The following SYT2 variants were observed in gnomAD, a reference collection of about 807,000 sequenced individuals.
SYT2 encodes synaptotagmin-2.
A neutral mutation model predicts 39.9 loss-of-function variants in SYT2; 15 were observed. That is an observed-to-expected ratio of 0.38 (90% CI 0.25 to 0.58). The LOEUF (loss-of-function observed/expected upper bound fraction) is 0.58. Among genes scored for constraint, SYT2 ranks in the 20% least tolerant of loss-of-function variants. The pLI, the probability that SYT2 is intolerant of heterozygous loss-of-function variation, is 0.70. For synonymous variants in SYT2, 181 were observed against 204.5 expected (o/e 0.89, Z 0.98); for missense variants, 389 against 530.3 (o/e 0.73, Z 2.62).
At chr1:202,691,783 G>T (rs1007835107) in intron 1 of SYT2, among the ~76,000 whole-genome samples, 2 of 126,392 alleles carry the variant, frequency 1.6e-5, no homozygotes, top group East Asian at 2.4e-4. Context: ...GAGAGAGAGA[G>T]ATGGGAGAGG....
chr1:202,658,043 G>C (rs889480915), intron 1 of SYT2, among the ~76,000 whole-genome samples: 6 of 152,144 alleles, frequency 3.9e-5, no homozygotes, highest in African/African-American at 1.4e-4. Context: ...GCTCTGCCCA[G>C]AGCTCATCGA....
At chr1:202,649,952 T>C (rs1434642297) in intron 1 of SYT2, among the ~76,000 whole-genome samples, 1 of 152,224 alleles carries the variant, frequency 6.6e-6, no homozygotes, top group Non-Finnish European at 1.5e-5. Context: ...CTGCTGTCAA[T>C]CCAGCTCCAG....
At chr1:202,612,405 T>C (rs1266628986) in intron 1 of SYT2, among the ~76,000 whole-genome samples, 1 of 152,210 alleles carries the variant, frequency 6.6e-6, no homozygotes. Context: ...TCTCACTCTG[T>C]CACCCAGGCT....
chr1:202,617,642 A>T (rs2149080785), intron 1 of SYT2, among the ~76,000 whole-genome samples: 1 of 152,160 alleles, frequency 6.6e-6, no homozygotes, highest in East Asian at 1.9e-4. Context: ...TACTTCCAAG[A>T]ACGCCTTCCT....
chr1:202,610,371 G>A (rs2149076070), intron 1 of SYT2, among the ~76,000 whole-genome samples: 1 of 152,260 alleles, frequency 6.6e-6, no homozygotes, highest in South Asian at 2.1e-4. Flanking sequence ...ATATCATACT[G>A]AATGGGCAAA....
chr1:202,604,321 A>G (rs932604411), intron 3 of SYT2, 134 bp downstream of exon 3: 1 of 861,898 alleles, frequency 1.2e-6, no homozygotes, highest in Non-Finnish European at 1.9e-6. Flanking sequence ...CTAGAGATGT[A>G]ACTGAGAGAG....
intron 1 of SYT2, among the ~76,000 whole-genome samples, chr1:202,649,442 T>C (rs907715327): frequency 1.3e-5 from 2 of 152,228 alleles, no homozygotes; most frequent in Admixed American, 1.3e-4. Context: ...GGTACTATTT[T>C]AAGGGTTTCA....
rs1490304369 is a variant in SYT2 at position 202,623,937 on chromosome 1, TC to T, written c.-17-18149del. 6.6e-6 allele frequency among the ~76,000 whole-genome samples: 1 copy of T among 152,198 alleles called. No homozygotes were observed. The highest frequency in any genetic ancestry group is 1.5e-5 in the Non-Finnish European group (1 of 68,026). On this transcript the variant is annotated intron_variant, in intron 1 of 8. Transcript: ENST00000367268. The surrounding 1 kb of genome is among the most constrained non-coding windows in gnomAD (Gnocchi z 4.2). ...AGGCACACAGCACCTTCCAGCACAG[TC>T]CCGATATCTTTCATGCCAGATGCAC...
At chr1:202,646,064 A>T (rs907479222) in intron 1 of SYT2, among the ~76,000 whole-genome samples, 1 of 152,220 alleles carries the variant, frequency 6.6e-6, no homozygotes, top group Non-Finnish European at 1.5e-5. Flanking sequence ...AGGTTAGGGC[A>T]TGGAGCTGGG....
At chr1:202,629,029 C>T (rs904727072) in intron 1 of SYT2, among the ~76,000 whole-genome samples, 4 of 152,226 alleles carry the variant, frequency 2.6e-5, no homozygotes, top group Non-Finnish European at 4.4e-5. Flanking sequence ...TGGCCATGGC[C>T]GGTTCCTGAG....
At chr1:202,645,000 G>T (rs551481792) in intron 1 of SYT2, among the ~76,000 whole-genome samples, 1 of 152,188 alleles carries the variant, frequency 6.6e-6, no homozygotes, top group Non-Finnish European at 1.5e-5. Context: ...AGGGATTTCC[G>T]GGCGGCTCCT....
rs1244598921 is a variant in SYT2 at position 202,601,763 on chromosome 1, T to C, written c.801+127A>G. 12 of 987,342 alleles carry C rather than the reference T, an allele frequency of 1.2e-5. No homozygotes were observed. Among genetic ancestry groups the C allele is most frequent in the Non-Finnish European group, 1.8e-5 (12 of 655,506 alleles). The allele number at this position is 987,342 out of a possible 1,614,324, so 61.2% of individuals were successfully genotyped here. A position where few individuals can be genotyped will look rare whatever the true frequency, so the allele number is the denominator to read the frequency against. Reference sequence around the variant, plus strand: ...TGCCCAGGGTCACACAGCCAGGCAGTGTGGAGCTGGGATCCTAACACAGGT... The same window carrying C: ...TGCCCAGGGTCACACAGCCAGGCAGCGTGGAGCTGGGATCCTAACACAGGT... On this transcript the variant is annotated intron_variant, in intron 6 of 8. Coordinates refer to ENST00000367268, the MANE Select transcript of SYT2 (RefSeq NM_177402.5). The surrounding 1 kb of genome is among the most constrained non-coding windows in gnomAD (Gnocchi z 4.0).
intron 1 of SYT2, among the ~76,000 whole-genome samples, chr1:202,704,758 C>A (rs1654206840): frequency 6.6e-6 from 1 of 152,044 alleles, no homozygotes; most frequent in Non-Finnish European, 1.5e-5. Context: ...CTGATGACAT[C>A]AGCATGCCAT....
At chr1:202,683,812 T>C (rs1653589488) in intron 1 of SYT2, among the ~76,000 whole-genome samples, 1 of 151,972 alleles carries the variant, frequency 6.6e-6, no homozygotes, top group Non-Finnish European at 1.5e-5. Context: ...TCTATAGTGC[T>C]AGAAGCCATG....
At chr1:202,669,330 G>A (rs1454624629) in intron 1 of SYT2, among the ~76,000 whole-genome samples, 3 of 151,362 alleles carry the variant, frequency 2.0e-5, no homozygotes, top group Non-Finnish European at 4.4e-5. Flanking sequence ...GACCAACGGG[G>A]CAACATAGTG....
chr1:202,653,925 C>G (rs928456069), intron 1 of SYT2, among the ~76,000 whole-genome samples: 7 of 152,186 alleles, frequency 4.6e-5, no homozygotes, highest in African/African-American at 1.7e-4. Context: ...GGAGTGACAT[C>G]CCTGGGGCCT....
At chr1:202,686,943 G>T (rs1423052048) in intron 1 of SYT2, among the ~76,000 whole-genome samples, 1 of 152,086 alleles carries the variant, frequency 6.6e-6, no homozygotes, top group Non-Finnish European at 1.5e-5. Flanking sequence ...CCTGCTCTGT[G>T]AAGTCTTCTC....
intron 1 of SYT2, among the ~76,000 whole-genome samples, chr1:202,630,807 G>T (rs187157890): frequency 1.7e-4 from 26 of 152,332 alleles, no homozygotes; most frequent in African/African-American, 6.3e-4. Flanking sequence ...CCGGGCCCCA[G>T]GAAACATTTG....
intron 3 of SYT2, 134 bp downstream of exon 3, chr1:202,604,321 A>T: frequency 1.2e-6 from 1 of 861,898 alleles, no homozygotes; most frequent in Non-Finnish European, 1.9e-6. Context: ...CTAGAGATGT[A>T]ACTGAGAGAG....
Sources: gnomAD v4.1 joint callset for allele counts (sites outside exome capture counted in the v4.1 genomes callset) on GRCh38, gnomAD v4.1.1 for gene constraint, Gnocchi (gnomAD v3.1) non-coding constraint, MANE v1.5 for transcripts, NCBI Gene and HGNC (gene_info 2026-07-23, HGNC 2026-07-21) for gene names.